CNTNAP2: variants seen among roughly 807,000 people sequenced by gnomAD.
The protein encoded by CNTNAP2 is contactin associated protein 2.
A neutral mutation model predicts 155.2 loss-of-function variants in CNTNAP2; 98 were observed. That is an observed-to-expected ratio of 0.63 (90% confidence interval 0.54 to 0.75). The LOEUF is 0.75. CNTNAP2 is among the 30% of genes least tolerant of loss of function. The pLI is 0.00. For synonymous variants in CNTNAP2, 651 were observed against 631.2 expected (o/e 1.03, Z -0.47); for missense variants, 1,727 against 1,688.1 (o/e 1.02, Z -0.40).
At chr7:147,691,013 T>G (rs1049682428) in intron 13 of CNTNAP2, among the ~76,000 whole-genome samples, 17 of 152,096 alleles carry the variant, frequency 1.1e-4, no homozygotes, top group Admixed American at 1.1e-3. Flanking sequence ...AAAATAAATT[T>G]TGGTTGATAA....
intron 8 of CNTNAP2, among the ~76,000 whole-genome samples, chr7:147,230,362 A>C (rs1419171699): frequency 1.3e-5 from 2 of 152,074 alleles, no homozygotes; most frequent in Non-Finnish European, 2.9e-5. Flanking sequence ...GGTTCAAGCA[A>C]TTCTCCTGCC....
At chr7:146,218,565 A>G (rs1799155062) in intron 1 of CNTNAP2, among the ~76,000 whole-genome samples, 1 of 152,068 alleles carries the variant, frequency 6.6e-6, no homozygotes. Context: ...TCAAGGTTAA[A>G]ATAAATAAAC....
intron 15 of CNTNAP2, among the ~76,000 whole-genome samples, chr7:148,109,229 G>A (rs1804288295): frequency 6.6e-6 from 1 of 152,194 alleles, no homozygotes; most frequent in Non-Finnish European, 1.5e-5. Flanking sequence ...GTTATCTCCT[G>A]AGATTCTTAC....
intron 2 of CNTNAP2, among the ~76,000 whole-genome samples, chr7:146,836,669 AC>A (rs1358538118): frequency 6.6e-6 from 1 of 152,194 alleles, no homozygotes; most frequent in Admixed American, 6.5e-5. Flanking sequence ...AAATTTAAAA[AC>A]ATGAACAAAT....
At chr7:147,919,625 AT>A (rs1318590880) in intron 14 of CNTNAP2, among the ~76,000 whole-genome samples, 1 of 150,820 alleles carries the variant, frequency 6.6e-6, no homozygotes, top group Non-Finnish European at 1.5e-5. Context: ...CGCCTGGCTA[AT>A]TTTTTGTATT....
At chr7:146,845,125 G>A (rs570186354) in intron 3 of CNTNAP2, among the ~76,000 whole-genome samples, 1 of 152,200 alleles carries the variant, frequency 6.6e-6, no homozygotes, top group Non-Finnish European at 1.5e-5. Context: ...CAAAAATCTA[G>A]AAGACAAATA....
intron 1 of CNTNAP2, among the ~76,000 whole-genome samples, chr7:146,622,625 C>T (rs1367318277): frequency 1.3e-5 from 2 of 151,970 alleles, no homozygotes; most frequent in Non-Finnish European, 2.9e-5. Context: ...TAACCTTCTC[C>T]CCTTGCTATT....
chr7:146,894,456 TTTTTG>T (rs772060152), intron 3 of CNTNAP2, among the ~76,000 whole-genome samples: 3 of 152,130 alleles, frequency 2.0e-5, no homozygotes, highest in Non-Finnish European at 2.9e-5. Flanking sequence ...GTTTTTCTTG[TTTTTG>T]TTTTGTTTTG....
chr7:147,366,284 T>C (rs896900880), intron 9 of CNTNAP2, among the ~76,000 whole-genome samples: 12 of 152,164 alleles, frequency 7.9e-5, no homozygotes, highest in African/African-American at 2.9e-4. Context: ...TTGAGCCTTC[T>C]CCATTTTTTT....
intron 15 of CNTNAP2, among the ~76,000 whole-genome samples, chr7:148,056,840 A>C (rs1422419890): frequency 6.6e-6 from 1 of 152,202 alleles, no homozygotes; most frequent in Non-Finnish European, 1.5e-5. Context: ...GGGATAAGGT[A>C]CTTGAAGGGC....
chr7:147,314,747 G>A (rs1293323289), intron 9 of CNTNAP2, among the ~76,000 whole-genome samples: 1 of 150,916 alleles, frequency 6.6e-6, no homozygotes, highest in Non-Finnish European at 1.5e-5. Flanking sequence ...CATGATTTTA[G>A]GTTTAATATT....
intron 1 of CNTNAP2, among the ~76,000 whole-genome samples, chr7:146,650,346 A>G (rs141794601): frequency 0.022 from 3,300 of 152,272 alleles, 48 homozygotes; most frequent in Middle Eastern, 0.041. Flanking sequence ...TATATACCCT[A>G]TGGAATACTA....
chr7:147,920,397 T>C (rs886071363), intron 14 of CNTNAP2, among the ~76,000 whole-genome samples: 11 of 151,022 alleles, frequency 7.3e-5, no homozygotes, highest in South Asian at 4.2e-4. Flanking sequence ...GAAAGTGATT[T>C]TGTGGCTAAC....
chr7:146,124,541 T>C (rs1228007283), intron 1 of CNTNAP2, among the ~76,000 whole-genome samples: 4 of 152,224 alleles, frequency 2.6e-5, no homozygotes, highest in Non-Finnish European at 5.9e-5. Flanking sequence ...TTTTTAAAAA[T>C]TTATTAAGTA....
chr7:146,692,654 A>G (rs1256327834), intron 1 of CNTNAP2, among the ~76,000 whole-genome samples: 4 of 152,130 alleles, frequency 2.6e-5, no homozygotes, highest in Non-Finnish European at 5.9e-5. Context: ...CTAACTTTGG[A>G]CAATCCCTTG....
chr7:146,559,595 A>G (rs1798250221), intron 1 of CNTNAP2, among the ~76,000 whole-genome samples: 1 of 152,134 alleles, frequency 6.6e-6, no homozygotes, highest in South Asian at 2.1e-4. Flanking sequence ...AAATAAAAAT[A>G]AAAAGAAACA....
chr7:146,324,939 A>G (rs1801071258), intron 1 of CNTNAP2, among the ~76,000 whole-genome samples: 1 of 152,122 alleles, frequency 6.6e-6, no homozygotes, highest in East Asian at 1.9e-4. Context: ...AAAAATGACA[A>G]TATAGTTTTT....
At chr7:147,062,961 T>G (rs1364827505) in intron 4 of CNTNAP2, among the ~76,000 whole-genome samples, 1 of 152,216 alleles carries the variant, frequency 6.6e-6, no homozygotes, top group Non-Finnish European at 1.5e-5. Context: ...AAAGAGATTT[T>G]CTCTCTGCAC....
chr7:147,886,110 T>C (rs752260776), intron 13 of CNTNAP2, among the ~76,000 whole-genome samples: 7 of 152,180 alleles, frequency 4.6e-5, no homozygotes, highest in Non-Finnish European at 1.0e-4. Context: ...TAGCTAGCCA[T>C]GTGCCCCATT....
Sources: allele counts gnomAD v4.1 joint callset (sites outside exome capture counted in the v4.1 genomes callset), GRCh38; gene constraint gnomAD v4.1.1; transcripts MANE v1.5; gene names NCBI Gene and HGNC (gene_info 2026-07-23, HGNC 2026-07-21).